Variants in LARS2 observed in about 807,000 individuals in gnomAD.
LARS2 encodes the protein leucyl-tRNA synthetase 2, mitochondrial.
LARS2 carries 81 observed loss-of-function variants against 116.6 expected under a neutral mutation model. The ratio of observed to expected loss-of-function variants is 0.69; its 90% CI spans 0.58 to 0.84. The LOEUF (loss-of-function observed/expected upper bound fraction) is 0.84, where lower values mean the gene tolerates loss of function less well. Ranked by LOEUF, LARS2 falls within the 40% of genes least tolerant of loss-of-function variation. The pLI, the probability that LARS2 is intolerant of heterozygous loss-of-function variation, is 0.00. For synonymous variants in LARS2, 396 were observed against 407.2 expected (o/e 0.97, Z 0.33); for missense variants, 968 against 1,114.5 (o/e 0.87, Z 1.87).
At chr3:45,444,085 A>C (rs941554546) in intron 6 of LARS2, among the ~76,000 whole-genome samples, 3 of 150,432 alleles carry the variant, frequency 2.0e-5, no homozygotes, top group African/African-American at 7.3e-5. Flanking sequence ...GCTCACTGCA[A>C]GCTCCGCCTC....
chr3:45,453,860 A>T (rs1699174097), intron 7 of LARS2, among the ~76,000 whole-genome samples: 1 of 150,490 alleles, frequency 6.6e-6, no homozygotes, highest in Non-Finnish European at 1.5e-5. Context: ...TTGATAGTTT[A>T]AAAAAAAAAG....
chr3:45,405,713 A>G (rs1698223116), intron 4 of LARS2, among the ~76,000 whole-genome samples: 1 of 152,232 alleles, frequency 6.6e-6, no homozygotes, highest in Non-Finnish European at 1.5e-5. Context: ...CCATGCTGCT[A>G]TAATAAACAA....
rs752704499 is a variant in LARS2 at position 45,394,542 on chromosome 3, G to A, written c.89G>A (p.Arg30Lys). 3.2e-5 allele frequency: 51 copies of A among 1,614,044 alleles called. No individual in the cohort carries two copies. The highest frequency in any genetic ancestry group is 3.6e-5 in the Non-Finnish European group (42 of 1,179,988). The change falls in exon 3 of 22, where the codon AGG (arginine) becomes AAG (lysine). Residue 30 changes from arginine to lysine, a missense_variant. Arg to Lys is a conservative substitution (Grantham distance 26). Transcript: ENST00000645846. Reference protein sequence around the residue: ...NGGPDVIKWERRVIPGCTRSI... With the variant: ...NGGPDVIKWEKRVIPGCTRSI... Reference sequence around the variant, plus strand: ...GGGCCAGATGTCATCAAGTGGGAAAGGAGAGTAATTCCCGGATGTACCAGA... The same window carrying A: ...GGGCCAGATGTCATCAAGTGGGAAAAGAGAGTAATTCCCGGATGTACCAGA...
chr3:45,423,562 C>T (rs1698547643), intron 6 of LARS2, among the ~76,000 whole-genome samples: 1 of 152,124 alleles, frequency 6.6e-6, no homozygotes, highest in Non-Finnish European at 1.5e-5. Context: ...ATCCACTGTG[C>T]CTGGCCGGTT....
At chr3:45,456,221 A>C (rs1203714910) in intron 7 of LARS2, among the ~76,000 whole-genome samples, 1 of 152,166 alleles carries the variant, frequency 6.6e-6, no homozygotes, top group African/African-American at 2.4e-5. Context: ...CATTGTGTAC[A>C]TATATCAAAA....
At chr3:45,399,611 G>A (rs908497018) in intron 3 of LARS2, among the ~76,000 whole-genome samples, 16 of 151,800 alleles carry the variant, frequency 1.1e-4, no homozygotes, top group South Asian at 4.2e-4. Flanking sequence ...CCCTCTCTTC[G>A]GGTCTGCATT....
intron 6 of LARS2, among the ~76,000 whole-genome samples, chr3:45,440,475 T>A (rs139916593): frequency 3.0e-4 from 46 of 152,336 alleles, no homozygotes; most frequent in Non-Finnish European, 5.3e-4. Flanking sequence ...GGTGAAGTGA[T>A]GCTTTGTTGC....
intron 6 of LARS2, among the ~76,000 whole-genome samples, chr3:45,428,922 C>T (rs1346323009): frequency 1.3e-5 from 2 of 152,056 alleles, no homozygotes; most frequent in African/African-American, 2.4e-5. Flanking sequence ...GACATCATGG[C>T]TCTTGACCCC....
chr3:45,480,683 A>G (rs1699683785), intron 10 of LARS2, among the ~76,000 whole-genome samples: 1 of 152,166 alleles, frequency 6.6e-6, no homozygotes, highest in African/African-American at 2.4e-5. Context: ...TTGGATTTTA[A>G]TTGTGTTGTT....
At chr3:45,394,952 T>C (rs1476455864) in intron 3 of LARS2, among the ~76,000 whole-genome samples, 1 of 152,182 alleles carries the variant, frequency 6.6e-6, no homozygotes, top group Non-Finnish European at 1.5e-5. Flanking sequence ...ATGTGGTGGA[T>C]GCACACATAG....
At chr3:45,512,865 T>A (rs1397956914) in intron 15 of LARS2, among the ~76,000 whole-genome samples, 1 of 152,182 alleles carries the variant, frequency 6.6e-6, no homozygotes, top group Non-Finnish European at 1.5e-5. Flanking sequence ...TTAAAACTTT[T>A]TTTAGGCCAG....
intron 4 of LARS2, among the ~76,000 whole-genome samples, chr3:45,409,680 AG>A (rs1043089631): frequency 9.2e-5 from 14 of 152,182 alleles, no homozygotes; most frequent in Non-Finnish European, 1.6e-4. Flanking sequence ...TAGGAAACCC[AG>A]GGTATAGAAA....
intron 4 of LARS2, among the ~76,000 whole-genome samples, chr3:45,403,091 G>T (rs1162304202): frequency 8.1e-6 from 1 of 123,544 alleles, no homozygotes; most frequent in Non-Finnish European, 1.6e-5. Context: ...GGCAACAAGA[G>T]CGAAACTCCG....
At chr3:45,469,429 T>C (rs531624190) in intron 8 of LARS2, among the ~76,000 whole-genome samples, 1 of 152,234 alleles carries the variant, frequency 6.6e-6, no homozygotes, top group Non-Finnish European at 1.5e-5. Flanking sequence ...CACTAGAACC[T>C]CCGCCTCCTG....
rs1268874395 is a variant in LARS2, at chr3:45,418,274, G to T, written c.455+701G>T. Among the ~76,000 whole-genome samples, 4 of 152,190 alleles carry T rather than the reference G, an allele frequency of 2.6e-5. No homozygotes were observed. In the East Asian group the frequency reaches 7.7e-4, roughly 29 times the overall value. ...AGAGAGACAGAAGGGCAGTTCCAGGGCCTGTGCCCAGTGTCTCTTACCTGT... is the reference window on the plus strand; with the variant it reads ...AGAGAGACAGAAGGGCAGTTCCAGGTCCTGTGCCCAGTGTCTCTTACCTGT... On this transcript the variant is annotated intron_variant, in intron 5 of 21. Transcript: ENST00000645846.
intron 6 of LARS2, among the ~76,000 whole-genome samples, chr3:45,441,094 C>T (rs976040774): frequency 2.0e-5 from 3 of 147,470 alleles, no homozygotes; most frequent in African/African-American, 5.0e-5. Flanking sequence ...GGCACAGTCT[C>T]GGCTCACTGC....
chr3:45,505,868 G>T (rs565489263), intron 15 of LARS2, among the ~76,000 whole-genome samples: 1 of 152,018 alleles, frequency 6.6e-6, no homozygotes, highest in South Asian at 2.1e-4. Context: ...ATAGGACAGG[G>T]TCTGACTATT....
rs1161349903 is a variant in LARS2 at position 45,449,156 on chromosome 3, ATTTTTTT to A, written c.606+2193_606+2199del. Among the ~76,000 whole-genome samples, 9 of 102,928 alleles carry A rather than the reference ATTTTTTT, an allele frequency of 8.7e-5. No homozygotes were observed. The East Asian group carries it at 1.0e-3, about 11-fold the overall frequency. The allele number at this position is 102,928 out of a possible 152,430, so 67.5% of individuals were successfully genotyped here. A position where few individuals can be genotyped will look rare whatever the true frequency, so the allele number is the denominator to read the frequency against. On this transcript the variant is annotated intron_variant, in intron 7 of 21. Transcript: ENST00000645846. Reference sequence around the variant, plus strand: ...GGAGCAAGGGGAAGCTTAACTCACTATTTTTTTTTTTTTTTTTTTTTTTGAGACAGAG... The same window carrying A: ...GGAGCAAGGGGAAGCTTAACTCACTATTTTTTTTTTTTTTTTGAGACAGAG...
At chr3:45,476,447 A>G in intron 9 of LARS2, 21 bp from the exon 10 acceptor site, 3 of 1,613,394 alleles carry the variant, frequency 1.9e-6, no homozygotes, top group Admixed American at 3.3e-5. Flanking sequence ...AAATGACATC[A>G]CTCTTCTTTC....
Sources: allele counts gnomAD v4.1 joint callset (sites outside exome capture counted in the v4.1 genomes callset), GRCh38; gene constraint gnomAD v4.1.1; transcripts MANE v1.5; gene names NCBI Gene and HGNC (gene_info 2026-07-23, HGNC 2026-07-21).